The following PHTF2 variants were observed in gnomAD, a reference collection of about 807,000 sequenced individuals.
PHTF2 encodes protein PHTF2.
In PHTF2, 60 loss-of-function variants were observed where a neutral mutation model predicts 101.2. The ratio of observed to expected loss-of-function variants is 0.59; its 90% CI spans 0.48 to 0.73. The LOEUF is 0.73. Ranked by LOEUF, PHTF2 falls within the 30% of genes least tolerant of loss-of-function variation. The probability of loss-of-function intolerance (pLI) is 0.00; values close to 1 mark genes in which losing one functional copy is unlikely to be tolerated. For synonymous variants in PHTF2, 311 were observed against 307.3 expected, an observed-to-expected ratio of 1.01 and a Z score of -0.13; for missense variants, 747 against 908.7, an observed-to-expected ratio of 0.82 and a Z score of 2.29.
At chr7:77,954,614 A>G (rs4729913) in intron 19 of PHTF2, among the ~76,000 whole-genome samples, 3,372 of 39,224 alleles carry the variant, frequency 0.086, 61 homozygotes, top group Middle Eastern at 0.12. Context: ...AGTACTGTGT[A>G]TATATATATA....
chr7:77,912,709 C>A (rs767130994), intron 9 of PHTF2, among the ~76,000 whole-genome samples: 6 of 124,956 alleles, frequency 4.8e-5, no homozygotes, highest in Middle Eastern at 5.0e-3. Flanking sequence ...GAGAGAACCA[C>A]CTTTTTTTTT....
chr7:77,943,034 T>C (rs1251341573), intron 16 of PHTF2, among the ~76,000 whole-genome samples: 1 of 152,232 alleles, frequency 6.6e-6, no homozygotes, highest in Non-Finnish European at 1.5e-5. Context: ...TCCTTCTCAT[T>C]ATCTTTACTT....
Position 77,884,943 on chromosome 7 carries a change from A to G in PHTF2, c.148-8665A>G, listed in dbSNP as rs1799708253. 2.6e-5 allele frequency among the ~76,000 whole-genome samples: 4 copies of G among 152,294 alleles called. No individual in the cohort carries two copies. The South Asian group carries it at 8.3e-4, about 32-fold the overall frequency. ...ATAAATAAAAATATGGGATGTTTGC[A>G]TTAGGTATAAAAGCAACATAAACTT... On this transcript the variant is annotated intron_variant, in intron 3 of 19. Coordinates refer to ENST00000416283, the Ensembl canonical transcript of PHTF2.
chr7:77,922,551 A>G, intron 10 of PHTF2, 72 bp from the exon 10 acceptor site: 2 of 1,294,058 alleles, frequency 1.5e-6, no homozygotes, highest in Non-Finnish European at 2.1e-6. Context: ...TGTAATTTCA[A>G]ATTTCATAGT....
intron 12 of PHTF2, among the ~76,000 whole-genome samples, chr7:77,935,607 A>G (rs1252297804): frequency 1.3e-5 from 2 of 152,202 alleles, no homozygotes; most frequent in Non-Finnish European, 1.5e-5. Context: ...ATGTAATATC[A>G]GATGCTGGAT....
chr7:77,838,066 G>A (rs1472007543), intron 1 of PHTF2, among the ~76,000 whole-genome samples: 2 of 152,086 alleles, frequency 1.3e-5, no homozygotes, highest in Admixed American at 6.6e-5. Context: ...TGCTTGAGGG[G>A]ATAGGTTATA....
chr7:77,898,157 G>C (rs1052189417), intron 5 of PHTF2, among the ~76,000 whole-genome samples: 1 of 152,054 alleles, frequency 6.6e-6, no homozygotes, highest in Non-Finnish European at 1.5e-5. Context: ...AGGTCGATTA[G>C]AAGAAGCATG....
intron 16 of PHTF2, among the ~76,000 whole-genome samples, chr7:77,947,833 C>CTTTTTTTTTTTTT (rs1428512079): frequency 1.6e-4 from 7 of 43,202 alleles, no homozygotes; most frequent in Admixed American, 2.6e-4. Context: ...TTTCTTTTTT[C>CTTTTTTTTTTTTT]TTTCTTTTTT....
chr7:77,835,758 G>A (rs1345731954), intron 1 of PHTF2, among the ~76,000 whole-genome samples: 1 of 152,058 alleles, frequency 6.6e-6, no homozygotes, highest in Non-Finnish European at 1.5e-5. Flanking sequence ...TATTTTATAT[G>A]TTATATGTTT....
chr7:77,869,095 A>C (rs961615199), intron 3 of PHTF2, among the ~76,000 whole-genome samples: 1 of 152,198 alleles, frequency 6.6e-6, no homozygotes, highest in Non-Finnish European at 1.5e-5. Context: ...TTTGACTTTG[A>C]GCAAGTTATT....
intron 16 of PHTF2, among the ~76,000 whole-genome samples, chr7:77,948,578 C>A (rs891649998): frequency 6.6e-6 from 1 of 151,798 alleles, no homozygotes; most frequent in African/African-American, 2.4e-5. Flanking sequence ...GAACTAAGTT[C>A]TACAAATCAA....
At chr7:77,873,332 C>T (rs1451626571) in intron 3 of PHTF2, among the ~76,000 whole-genome samples, 2 of 152,174 alleles carry the variant, frequency 1.3e-5, no homozygotes, top group Non-Finnish European at 2.9e-5. Context: ...TTCCTTCCGC[C>T]GTTATCCCAC....
chr7:77,872,372 TA>T (rs1377354555), intron 3 of PHTF2, among the ~76,000 whole-genome samples: 1 of 152,244 alleles, frequency 6.6e-6, no homozygotes, highest in Non-Finnish European at 1.5e-5. Context: ...TCCATCCACA[TA>T]CCTCTTCCCC....
intron 2 of PHTF2, among the ~76,000 whole-genome samples, chr7:77,845,395 T>G (rs1391005590): frequency 6.6e-6 from 1 of 152,240 alleles, no homozygotes; most frequent in East Asian, 1.9e-4. Flanking sequence ...CTTATAGGGC[T>G]GAGGAAGAAC....
intron 2 of PHTF2, among the ~76,000 whole-genome samples, chr7:77,852,427 A>G (rs1796838401): frequency 6.6e-6 from 1 of 152,246 alleles, no homozygotes; most frequent in African/African-American, 2.4e-5. Context: ...GTAACATCTC[A>G]TAACCCATTG....
intron 7 of PHTF2, among the ~76,000 whole-genome samples, chr7:77,904,001 AT>A (rs1193400243): frequency 2.0e-5 from 3 of 152,150 alleles, no homozygotes; most frequent in Non-Finnish European, 4.4e-5. Context: ...CCATTTCTGC[AT>A]GTCTTGGTTG....
At chr7:77,894,077 T>A in intron 5 of PHTF2, 84 bp downstream of exon 4, 1 of 1,019,850 alleles carries the variant, frequency 9.8e-7, no homozygotes, top group Non-Finnish European at 1.6e-6. Context: ...TTGGTGCTAC[T>A]AACAGATTGA....
intron 10 of PHTF2, 71 bp downstream of exon 9, chr7:77,920,536 G>C: frequency 8.9e-7 from 1 of 1,126,696 alleles, no homozygotes. Flanking sequence ...CTTAGATATA[G>C]TAGTTGCCCT....
At chr7:77,893,396 C>A in intron 3 of PHTF2, among the ~76,000 whole-genome samples, 1 of 152,122 alleles carries the variant, frequency 6.6e-6, no homozygotes, top group Non-Finnish European at 1.5e-5. Context: ...GTTTGCATTT[C>A]TAACAAATTC....
Sources: gnomAD v4.1 joint callset for allele counts (sites outside exome capture counted in the v4.1 genomes callset) on GRCh38, gnomAD v4.1.1 for gene constraint, MANE v1.5 for transcripts, NCBI Gene and HGNC (gene_info 2026-07-23, HGNC 2026-07-21) for gene names.